APCDD1L: variants seen among roughly 807,000 people sequenced by gnomAD.
The protein encoded by APCDD1L is APC down-regulated 1 like.
A neutral mutation model predicts 24.2 loss-of-function variants in APCDD1L; 21 were observed. That is an observed-to-expected ratio of 0.87 (90% CI 0.61 to 1.25). The LOEUF (loss-of-function observed/expected upper bound fraction) is 1.25, where lower values mean the gene tolerates loss of function less well. Ranked by LOEUF, APCDD1L falls within the 50% of genes most tolerant of loss-of-function variation. The pLI is 0.00. For synonymous variants in APCDD1L, 321 were observed against 323.6 expected (o/e 0.99, Z 0.09); for missense variants, 704 against 711.7 (o/e 0.99, Z 0.12).
In APCDD1L at chr20:58,505,257, G is replaced by T. The variant is rs192382963; in HGVS notation, c.49+9402C>A. 1.2e-3 allele frequency among the ~76,000 whole-genome samples: 185 copies of T among 152,110 alleles called. 1 individual carries two copies. The East Asian group carries it at 0.019, about 16-fold the overall frequency. ...TATTTTTATTTTTTGTGGAGACAGGGTTTCCCTTTGTTGCCCAGGCTCATC... is the reference window on the plus strand; with the variant it reads ...TATTTTTATTTTTTGTGGAGACAGGTTTTCCCTTTGTTGCCCAGGCTCATC... On this transcript the variant is annotated intron_variant, in intron 1 of 3. Transcript: ENST00000371149.
intron 1 of APCDD1L, among the ~76,000 whole-genome samples, chr20:58,506,796 A>T (rs527313957): frequency 6.6e-6 from 1 of 152,344 alleles, no homozygotes; most frequent in South Asian, 2.1e-4. Flanking sequence ...GTCAGCTCAG[A>T]TGCCTCAGAG....
In APCDD1L at chr20:58,461,280, C is replaced by T. The variant is rs1440368307; in HGVS notation, c.1016G>A (p.Gly339Asp). The T allele has an allele frequency of 6.2e-7, 1 of 1,612,542 alleles. No individual in the cohort carries two copies. The highest frequency in any genetic ancestry group is 8.5e-7 in the Non-Finnish European group (1 of 1,179,236). ...GCCGCGGACCCTGGTGGATGGCGTG[C>T]CCCTGGTGTAGCGGCCGGCGGCATA... The part of the protein sequence containing the change: ...TVYAAGRYTR[G>D]TPSTRVRGGT... Residue 339 changes from glycine to aspartate, a missense_variant, in exon 4 of 4, where the codon GGC becomes GAC. Gly to Asp is a moderately conservative substitution (Grantham distance 94). Coordinates refer to ENST00000371149, the MANE Select transcript of APCDD1L (RefSeq NM_153360.3). The surrounding 1 kb of genome is among the most constrained non-coding windows in gnomAD (Gnocchi z 6.0).
intron 1 of APCDD1L, among the ~76,000 whole-genome samples, chr20:58,488,951 T>C (rs1765814049): frequency 6.6e-6 from 1 of 151,790 alleles, no homozygotes; most frequent in African/African-American, 2.4e-5. Flanking sequence ...TAGATCAACC[T>C]CTGCTAAGAC....
At chr20:58,495,525 G>T (rs369712965) in intron 1 of APCDD1L, among the ~76,000 whole-genome samples, 38 of 152,302 alleles carry the variant, frequency 2.5e-4, no homozygotes, top group Middle Eastern at 3.4e-3. Flanking sequence ...ACCCCCCTGT[G>T]CCCCGAGGGC....
intron 1 of APCDD1L, 65 bp from the exon 2 acceptor site, chr20:58,470,812 T>A (rs1989798803): frequency 2.7e-6 from 4 of 1,476,802 alleles, no homozygotes. Flanking sequence ...CCATCTGCCC[T>A]CCCAACCCCA....
chr20:58,498,549 A>G (rs1427956311), intron 1 of APCDD1L, among the ~76,000 whole-genome samples: 1 of 152,218 alleles, frequency 6.6e-6, no homozygotes, highest in African/African-American at 2.4e-5. Flanking sequence ...CCTCGGGGGA[A>G]GCTGATAGGG....
At chr20:58,495,360 T>C (rs1990301628) in intron 1 of APCDD1L, among the ~76,000 whole-genome samples, 1 of 152,164 alleles carries the variant, frequency 6.6e-6, no homozygotes, top group Non-Finnish European at 1.5e-5. Flanking sequence ...CCTGACTGCA[T>C]GGATGGTGTG....
chr20:58,461,019 A>G lies in APCDD1L; in HGVS notation c.1277T>C (p.Leu426Pro). Residue 426 changes from leucine (L) to proline (P), a missense_variant, in exon 4 of 4, where the codon CTC (leucine) becomes CCC (proline). By Grantham distance (98) the Leu-to-Pro change is moderately conservative (BLOSUM62 -3). Transcript: ENST00000371149. The surrounding 1 kb of genome is among the most constrained non-coding windows in gnomAD (Gnocchi z 6.0). ...ATCGGTGGGCCTTTGTCCGATGAAG[A>G]GCAGGCTTTGCCCGAGGGGGTCTTG... ...MEQDPLGQSLLFIGQRPTDGS... is the reference protein window; with the variant it reads ...MEQDPLGQSLPFIGQRPTDGS... 1.2e-6 allele frequency: 2 copies of G among 1,614,084 alleles called. No homozygotes were observed. Among genetic ancestry groups the G allele is most frequent in the Non-Finnish European group, 1.7e-6 (2 of 1,179,988 alleles).
At position 58,467,069 on chromosome 20, in the gene APCDD1L, C is replaced by G; in HGVS notation, c.741+37G>C. On this transcript the variant is annotated intron_variant, in intron 3 of 3. Transcript: ENST00000371149. This position sits in a 1 kb window ranked among gnomAD's most constrained non-coding sequence, Gnocchi z 5.9. The stretch of plus-strand genomic sequence containing the variant: ...TTCCGAGCTCGCCTCCCCGAGACCA[C>G]CACCCCCCTCTCCCACACCCCAACA... 1 of 1,555,342 alleles carries G rather than the reference C, an allele frequency of 6.4e-7. No homozygotes were observed. Among genetic ancestry groups the G allele is most frequent in the Non-Finnish European group, 8.7e-7 (1 of 1,154,136 alleles).
chr20:58,496,582 G>A (rs1336639643), intron 1 of APCDD1L, among the ~76,000 whole-genome samples: 1 of 152,234 alleles, frequency 6.6e-6, no homozygotes, highest in African/African-American at 2.4e-5. Context: ...GCAACGGCAG[G>A]TGCAAGGGTC....
Position 58,484,952 on chromosome 20 carries a change from GT to G in APCDD1L, c.50-14206del, listed in dbSNP as rs3069428. Among the ~76,000 whole-genome samples the G allele has an allele frequency of 7.3e-3, 1,088 of 148,864 alleles. 5 individuals carry two copies. Among genetic ancestry groups the G allele is most frequent in the Non-Finnish European group, 0.012 (795 of 67,126 alleles). ...TTTCATGCCGATCTCTGCTATTAAA[GT>G]TTTTTTTTTTTTATGAATGCAATCT... is the stretch of plus-strand genomic sequence containing the variant. On this transcript the variant is annotated intron_variant, in intron 1 of 3. Transcript: ENST00000371149.
At chr20:58,489,821 G>A (rs563272642) in intron 1 of APCDD1L, among the ~76,000 whole-genome samples, 2 of 152,296 alleles carry the variant, frequency 1.3e-5, no homozygotes, top group East Asian at 1.9e-4. Flanking sequence ...TGTGGAGCCT[G>A]AAGTTTATTC....
chr20:58,465,163 G>A (rs750086337), intron 3 of APCDD1L, among the ~76,000 whole-genome samples: 7 of 152,158 alleles, frequency 4.6e-5, no homozygotes, highest in Admixed American at 6.5e-5. Flanking sequence ...TCAACTCACC[G>A]CTAGCGCCTT....
rs117928621 is a variant in APCDD1L at position 58,508,109 on chromosome 20, C to T, written c.49+6550G>A. Among the ~76,000 whole-genome samples the T allele has an allele frequency of 3.9e-4, 59 of 152,366 alleles. No homozygotes were observed. The East Asian group carries it at 0.01, about 27-fold the overall frequency. On this transcript the variant is annotated intron_variant, in intron 1 of 3. Coordinates refer to ENST00000371149, the MANE Select transcript of APCDD1L (RefSeq NM_153360.3). The surrounding 1 kb of genome is among the most constrained non-coding windows in gnomAD (Gnocchi z 4.0). ...AACACACTTTGCCACGGCAATTCCACTGCTAGGTATTTCCACTAAAATTTG... is the reference window on the plus strand; with the variant it reads ...AACACACTTTGCCACGGCAATTCCATTGCTAGGTATTTCCACTAAAATTTG...
At chr20:58,483,069 T>C (rs1241813149) in intron 1 of APCDD1L, among the ~76,000 whole-genome samples, 1 of 152,140 alleles carries the variant, frequency 6.6e-6, no homozygotes, top group Non-Finnish European at 1.5e-5. Context: ...CCCCACTGCC[T>C]ATGTGTGCCT....
At chr20:58,493,871 C>T (rs566446549) in intron 1 of APCDD1L, among the ~76,000 whole-genome samples, 1 of 152,194 alleles carries the variant, frequency 6.6e-6, no homozygotes, top group African/African-American at 2.4e-5. Context: ...GTGCCCCACA[C>T]AGTTGAAAAT....
At position 58,467,974 on chromosome 20, in the gene APCDD1L, G is replaced by T. The variant is rs1201542168; in HGVS notation, c.189-316C>A. Reference sequence around the variant, plus strand: ...TGGCCTGGGAGCTCCGGGATGCCCTGCCTGCTTCCTCCCCCGCTGGACTCT... The same window carrying T: ...TGGCCTGGGAGCTCCGGGATGCCCTTCCTGCTTCCTCCCCCGCTGGACTCT... On this transcript the variant is annotated intron_variant, in intron 2 of 3. Coordinates refer to ENST00000371149, the MANE Select transcript of APCDD1L (RefSeq NM_153360.3). The surrounding 1 kb of genome is among the most constrained non-coding windows in gnomAD (Gnocchi z 5.9). Among the ~76,000 whole-genome samples, 1 of 152,142 alleles carries T rather than the reference G, an allele frequency of 6.6e-6. No homozygotes were observed. The highest frequency in any genetic ancestry group is 6.5e-5 in the Admixed American group (1 of 15,274).
At position 58,461,383 on chromosome 20, in the gene APCDD1L, G is replaced by A; in HGVS notation, c.913C>T (p.His305Tyr). 2 of 1,559,764 alleles carry A rather than the reference G, an allele frequency of 1.3e-6. No individual in the cohort carries two copies. Among genetic ancestry groups the A allele is most frequent in the Non-Finnish European group, 1.7e-6 (2 of 1,148,308 alleles). ...CCTTCCCAGGAGCGGCTGTGCCCGT[G>A]GAAAGTGAAGAGCCGGGTGAGGAAC... is the stretch of plus-strand genomic sequence containing the variant. ...VLFLTRLFTF[H>Y]GHSRSWEGYY... The change falls in exon 4 of 4, where the codon CAC becomes TAC. Residue 305 changes from histidine (H) to tyrosine (Y), a missense_variant. By Grantham distance (83) the His-to-Tyr change is moderately conservative (BLOSUM62 2). Coordinates refer to ENST00000371149, the MANE Select transcript of APCDD1L (RefSeq NM_153360.3). The surrounding 1 kb of genome is among the most constrained non-coding windows in gnomAD (Gnocchi z 6.0).
chr20:58,466,829 G>A (rs1478812440), intron 3 of APCDD1L, among the ~76,000 whole-genome samples: 1 of 152,236 alleles, frequency 6.6e-6, no homozygotes, highest in Non-Finnish European at 1.5e-5. Flanking sequence ...AGATCCTGCA[G>A]TGCCCACGAG....
Sources: gnomAD v4.1 joint callset for allele counts (sites outside exome capture counted in the v4.1 genomes callset) on GRCh38, gnomAD v4.1.1 for gene constraint, Gnocchi (gnomAD v3.1) non-coding constraint, MANE v1.5 for transcripts, NCBI Gene and HGNC (gene_info 2026-07-23, HGNC 2026-07-21) for gene names.